KCNIP4: variants seen among roughly 807,000 people sequenced by gnomAD.
KCNIP4 encodes Kv channel-interacting protein 4.
KCNIP4 carries 12 observed loss-of-function variants against 34.0 expected under a neutral mutation model. That is an observed-to-expected ratio of 0.35 (90% CI 0.23 to 0.57). The LOEUF (loss-of-function observed/expected upper bound fraction) is 0.57. Among genes scored for constraint, KCNIP4 ranks in the 20% least tolerant of loss-of-function variants. The pLI, the probability that KCNIP4 is intolerant of heterozygous loss-of-function variation, is 0.83. For missense variants in KCNIP4, 238 were observed against 311.7 expected (o/e 0.76, Z 1.78); for synonymous variants, 124 against 102.2 (o/e 1.21, Z -1.29).
At chr4:21,220,423 G>A (rs971653218) in intron 1 of KCNIP4, among the ~76,000 whole-genome samples, 3 of 152,126 alleles carry the variant, frequency 2.0e-5, no homozygotes, top group Non-Finnish European at 4.4e-5. Context: ...GTCAGGAGAC[G>A]GGGGAGGGAT....
chr4:21,126,675 T>TGTTTCTG (rs1750648865), intron 1 of KCNIP4, among the ~76,000 whole-genome samples: 1 of 149,384 alleles, frequency 6.7e-6, no homozygotes, highest in Non-Finnish European at 1.5e-5. Context: ...TCCAATTTAG[T>TGTTTCTG]GAAGAGAAAT....
chr4:21,505,599 G>C (rs373055464), intron 1 of KCNIP4, among the ~76,000 whole-genome samples: 5 of 152,032 alleles, frequency 3.3e-5, no homozygotes, highest in African/African-American at 1.2e-4. Flanking sequence ...CATCTCCATG[G>C]AAACTTTCTT....
At chr4:21,486,979 T>C (rs1560452901) in intron 1 of KCNIP4, among the ~76,000 whole-genome samples, 1 of 151,986 alleles carries the variant, frequency 6.6e-6, no homozygotes, top group Non-Finnish European at 1.5e-5. Flanking sequence ...TTTTTTATTT[T>C]TGGTAGATAC....
chr4:20,740,053 TAAAC>T (rs1214429959), intron 5 of KCNIP4, among the ~76,000 whole-genome samples: 2 of 148,646 alleles, frequency 1.3e-5, no homozygotes, highest in East Asian at 2.0e-4. Flanking sequence ...AAAAATGAGT[TAAAC>T]AAAGCCTCCA....
intron 1 of KCNIP4, among the ~76,000 whole-genome samples, chr4:20,977,674 A>G (rs576502397): frequency 3.4e-4 from 52 of 152,350 alleles, no homozygotes; most frequent in Admixed American, 3.3e-3. Context: ...TAAATAATTA[A>G]TGAAATTTTC....
intron 1 of KCNIP4, among the ~76,000 whole-genome samples, chr4:21,789,240 G>A (rs1720116258): frequency 6.6e-6 from 1 of 152,126 alleles, no homozygotes; most frequent in Admixed American, 6.6e-5. Context: ...AGGATTTTAA[G>A]AAATCTTAGT....
intron 1 of KCNIP4, among the ~76,000 whole-genome samples, chr4:21,857,085 TG>T (rs1429187772): frequency 6.6e-6 from 1 of 152,034 alleles, no homozygotes; most frequent in Non-Finnish European, 1.5e-5. Flanking sequence ...CACCTTCAAG[TG>T]GGGAAAGGCC....
intron 1 of KCNIP4, among the ~76,000 whole-genome samples, chr4:21,437,677 A>T (rs1295706988): frequency 4.6e-5 from 7 of 152,218 alleles, no homozygotes. Flanking sequence ...AGTATTAAGG[A>T]TCTTCCAAAG....
intron 1 of KCNIP4, among the ~76,000 whole-genome samples, chr4:21,099,460 CAAG>C (rs1216385214): frequency 6.6e-6 from 1 of 151,854 alleles, no homozygotes; most frequent in African/African-American, 2.4e-5. Context: ...TGGGGCTTGT[CAAG>C]GAGGTGGGGG....
intron 1 of KCNIP4, among the ~76,000 whole-genome samples, chr4:21,577,417 G>T (rs955301198): frequency 1.3e-5 from 2 of 152,008 alleles, no homozygotes; most frequent in African/African-American, 4.8e-5. Flanking sequence ...ACCACCTGAG[G>T]TCAGGTGTTC....
At chr4:21,441,170 C>A (rs1461961260) in intron 1 of KCNIP4, among the ~76,000 whole-genome samples, 6 of 144,886 alleles carry the variant, frequency 4.1e-5, no homozygotes, top group Non-Finnish European at 9.0e-5. Context: ...GAGACGGAGT[C>A]TTGCTCTGTT....
intron 1 of KCNIP4, among the ~76,000 whole-genome samples, chr4:21,247,908 T>TATACAC (rs560733464): frequency 3.1e-5 from 4 of 130,932 alleles, no homozygotes; most frequent in African/African-American, 1.3e-4. Context: ...TATATATATA[T>TATACAC]ACACACACAC....
intron 1 of KCNIP4, among the ~76,000 whole-genome samples, chr4:21,674,949 C>T (rs1424689125): frequency 1.3e-5 from 2 of 151,906 alleles, no homozygotes; most frequent in South Asian, 4.2e-4. Flanking sequence ...TGGAAGATGC[C>T]CATAAAAATC....
intron 1 of KCNIP4, among the ~76,000 whole-genome samples, chr4:21,257,757 A>AG (rs1761166349): frequency 1.2e-5 from 1 of 83,516 alleles, no homozygotes. Flanking sequence ...CTCAAAAAAA[A>AG]AAAAAAAAGA....
chr4:21,298,461 C>T (rs942613091), intron 1 of KCNIP4, among the ~76,000 whole-genome samples: 3 of 152,074 alleles, frequency 2.0e-5, no homozygotes, highest in Admixed American at 6.5e-5. Context: ...AAATAACAGT[C>T]GTCCTGGATT....
At chr4:21,552,904 A>G (rs891948344) in intron 1 of KCNIP4, among the ~76,000 whole-genome samples, 6 of 152,088 alleles carry the variant, frequency 3.9e-5, no homozygotes, top group Non-Finnish European at 7.4e-5. Context: ...GTAGGGTGTA[A>G]AAGAGCCATG....
chr4:21,405,895 G>A (rs2109569958), intron 1 of KCNIP4, among the ~76,000 whole-genome samples: 1 of 152,344 alleles, frequency 6.6e-6, no homozygotes, highest in African/African-American at 2.4e-5. Context: ...GAGCGCAATG[G>A]CGCGATCTTG....
At chr4:21,439,844 T>G (rs1474847314) in intron 1 of KCNIP4, among the ~76,000 whole-genome samples, 1 of 152,252 alleles carries the variant, frequency 6.6e-6, no homozygotes, top group Non-Finnish European at 1.5e-5. Flanking sequence ...ACTTAAGGCC[T>G]GTTTAAGGCA....
intron 8 of KCNIP4, 43 bp downstream of exon 8, chr4:20,731,963 T>C: frequency 6.2e-7 from 1 of 1,610,496 alleles, no homozygotes; most frequent in East Asian, 2.2e-5. Flanking sequence ...AGTTTAGCTG[T>C]TATGATAGCT....
Sources: allele counts gnomAD v4.1 joint callset (sites outside exome capture counted in the v4.1 genomes callset), GRCh38; gene constraint gnomAD v4.1.1; transcripts MANE v1.5; gene names NCBI Gene and HGNC (gene_info 2026-07-23, HGNC 2026-07-21).